The following ABI2 variants were observed in gnomAD, a reference collection of about 807,000 sequenced individuals.
ABI2 encodes abelson interactor 2.
A neutral mutation model predicts 59.2 loss-of-function variants in ABI2; 25 were observed. The observed-to-expected ratio is 0.42, with a 90% CI of 0.31 to 0.59. The LOEUF (loss-of-function observed/expected upper bound fraction) is 0.59, where lower values mean the gene tolerates loss of function less well. Ranked by LOEUF, ABI2 falls within the 20% of genes least tolerant of loss-of-function variation. The probability of loss-of-function intolerance (pLI) is 0.14; values close to 1 mark genes in which losing one functional copy is unlikely to be tolerated. For missense variants in ABI2, 545 were observed against 681.8 expected (o/e 0.80, Z 2.23); for synonymous variants, 213 against 235.5 (o/e 0.90, Z 0.87).
chr2:203,391,468 A>G (rs187612495), intron 5 of ABI2, among the ~76,000 whole-genome samples: 9 of 152,160 alleles, frequency 5.9e-5, no homozygotes, highest in African/African-American at 2.2e-4. Flanking sequence ...TTTAACTCCA[A>G]CTATCCTTTT....
chr2:203,421,294 A>G (rs1004665228), intron 11 of ABI2, among the ~76,000 whole-genome samples: 15 of 152,208 alleles, frequency 9.9e-5, no homozygotes, highest in Non-Finnish European at 5.9e-5. Context: ...AAATAAGCAG[A>G]TACAAATAGA....
At chr2:203,383,339 T>C (rs1263182246) in intron 4 of ABI2, 4 of 154,820 alleles carry the variant, frequency 2.6e-5, no homozygotes, top group African/African-American at 9.6e-5. Flanking sequence ...AGATGTGGAA[T>C]TGTGAAGAAA....
rs1318664163 is a variant in ABI2, at chr2:203,328,485, T to G, written c.-30T>G. 36 of 1,521,248 alleles carry G rather than the reference T, an allele frequency of 2.4e-5. No homozygotes were observed. The highest frequency in any genetic ancestry group is 3.6e-5 in the Admixed American group (2 of 55,300). The allele number at this position is 1,521,248 out of a possible 1,614,324, so 94.2% of individuals were successfully genotyped here. ...CGGCCGCCGCTCCCTCTGCGACCTG[T>G]ATGAGGAGGAGGAGGAGGAGGATGT... On this transcript the variant is annotated 5_prime_UTR_variant, in exon 1 of 12. Transcript: ENST00000261018.
At chr2:203,352,434 A>G (rs530093592) in intron 1 of ABI2, among the ~76,000 whole-genome samples, 9 of 152,308 alleles carry the variant, frequency 5.9e-5, no homozygotes, top group South Asian at 2.1e-4. Context: ...TGACAGTTCC[A>G]TAAGTGTTAT....
intron 4 of ABI2, among the ~76,000 whole-genome samples, chr2:203,383,746 G>A (rs971100110): frequency 2.6e-5 from 4 of 152,188 alleles, no homozygotes. Flanking sequence ...AAGTGTCTTA[G>A]AAGTCTCCTG....
chr2:203,354,767 T>C (rs751244759), intron 1 of ABI2, among the ~76,000 whole-genome samples: 3 of 152,226 alleles, frequency 2.0e-5, no homozygotes, highest in Non-Finnish European at 4.4e-5. Flanking sequence ...GAACCTGAAT[T>C]TAGGTAACCT....
chr2:203,368,984 ATTTTTTTTTTTTT>A lies in ABI2; in HGVS notation c.285+1960_285+1972del, dbSNP rs71007508. ...TACAGGCACGTGCCATGCTTGGCTG[ATTTTTTTTTTTTT>A]TTTTTTTTTTTTTTTTTTTGTAGAG... On this transcript the variant is annotated intron_variant, in intron 2 of 11. Coordinates refer to ENST00000261018, the MANE Select transcript of ABI2 (RefSeq NM_001375670.1). Among the ~76,000 whole-genome samples, 115 of 91,116 alleles carry A rather than the reference ATTTTTTTTTTTTT, an allele frequency of 1.3e-3. 2 individuals are homozygous for A. The highest frequency in any genetic ancestry group is 1.7e-3 in the Non-Finnish European group (80 of 48,336). 59.8% of individuals were successfully genotyped at this position (91,116 alleles called of 152,430 possible). A position where few individuals can be genotyped will look rare whatever the true frequency, so the allele number is the denominator to read the frequency against.
chr2:203,400,075 G>C (rs2097157857), intron 8 of ABI2, among the ~76,000 whole-genome samples: 1 of 124,872 alleles, frequency 8.0e-6, no homozygotes, highest in African/African-American at 3.0e-5. Context: ...AGTGTGAATA[G>C]TGTCTTTTTT....
intron 2 of ABI2, among the ~76,000 whole-genome samples, chr2:203,372,632 C>T (rs1252308040): frequency 1.6e-4 from 24 of 151,300 alleles, no homozygotes; most frequent in African/African-American, 4.1e-4. Context: ...CCCTCCCAGA[C>T]GGGGCAGCTG....
intron 3 of ABI2, 51 bp downstream of exon 3, chr2:203,380,435 C>A: frequency 3.4e-6 from 4 of 1,179,086 alleles, no homozygotes; most frequent in Non-Finnish European, 4.6e-6. Flanking sequence ...ATAATGAAAC[C>A]AACTCTTGAG....
At chr2:203,347,709 A>G (rs1021154782) in intron 1 of ABI2, among the ~76,000 whole-genome samples, 1 of 152,238 alleles carries the variant, frequency 6.6e-6, no homozygotes, top group Non-Finnish European at 1.5e-5. Context: ...ACTGTGTATT[A>G]TACGACACAT....
At chr2:203,340,473 G>A (rs1457407520) in intron 1 of ABI2, among the ~76,000 whole-genome samples, 1 of 151,686 alleles carries the variant, frequency 6.6e-6, no homozygotes, top group Admixed American at 6.6e-5. Context: ...CTCAAGTGAT[G>A]CTCCCACCTT....
intron 11 of ABI2, 29 bp downstream of exon 11, chr2:203,417,110 T>A: frequency 6.4e-7 from 1 of 1,572,954 alleles, no homozygotes; most frequent in South Asian, 1.2e-5. Context: ...TCTGGATAGA[T>A]GGGAAGAAAC....
intron 2 of ABI2, 52 bp downstream of exon 2, chr2:203,367,096 C>T (rs554617778): frequency 3.2e-6 from 5 of 1,539,036 alleles, no homozygotes; most frequent in Non-Finnish European, 3.5e-6. Context: ...TAATAATAAA[C>T]ACAGGCTATC....
intron 11 of ABI2, among the ~76,000 whole-genome samples, chr2:203,418,931 A>C (rs913222930): frequency 6.6e-6 from 1 of 152,188 alleles, no homozygotes; most frequent in African/African-American, 2.4e-5. Flanking sequence ...AATCTTAAAG[A>C]TAATCAGAGG....
At position 203,379,336 on chromosome 2, in the gene ABI2, C is replaced by T. The variant is rs529325908; in HGVS notation, c.286-872C>T. On this transcript the variant is annotated intron_variant, in intron 2 of 11. Transcript: ENST00000261018. ...ATTCATGGCTCACTGCAGCTTTGACCTCCTGGACTCAAGCAGTTCTCTTAT... is the reference window on the plus strand; with the variant it reads ...ATTCATGGCTCACTGCAGCTTTGACTTCCTGGACTCAAGCAGTTCTCTTAT... 2.0e-5 allele frequency among the ~76,000 whole-genome samples: 3 copies of T among 152,246 alleles called. No individual in the cohort carries two copies. The South Asian group carries it at 6.2e-4, about 32-fold the overall frequency.
intron 2 of ABI2, among the ~76,000 whole-genome samples, chr2:203,370,970 C>T (rs569781297): frequency 2.6e-5 from 4 of 152,214 alleles, no homozygotes; most frequent in Admixed American, 2.6e-4. Context: ...TCTATTTTAA[C>T]GAAAAAGAAC....
At chr2:203,413,826 C>T (rs1356690851) in intron 10 of ABI2, among the ~76,000 whole-genome samples, 1 of 152,134 alleles carries the variant, frequency 6.6e-6, no homozygotes, top group Non-Finnish European at 1.5e-5. Context: ...TCCTTGGTAG[C>T]AAATACTCAC....
intron 4 of ABI2, among the ~76,000 whole-genome samples, chr2:203,387,793 CT>C (rs1455321910): frequency 6.6e-6 from 1 of 152,150 alleles, no homozygotes; most frequent in African/African-American, 2.4e-5. Flanking sequence ...TATGAAGTGG[CT>C]GCAGTATTGC....
Sources: gnomAD v4.1 joint callset for allele counts (sites outside exome capture counted in the v4.1 genomes callset) on GRCh38, gnomAD v4.1.1 for gene constraint, MANE v1.5 for transcripts, NCBI Gene and HGNC (gene_info 2026-07-23, HGNC 2026-07-21) for gene names.